Variants in GBP1 observed in about 807,000 individuals in gnomAD.
The protein encoded by GBP1 is guanylate-binding protein 1.
A neutral mutation model predicts 69.5 loss-of-function variants in GBP1; 64 were observed. The ratio of observed to expected loss-of-function variants is 0.92; its 90% CI spans 0.75 to 1.13. The LOEUF (loss-of-function observed/expected upper bound fraction) is 1.13, where lower values mean the gene tolerates loss of function less well. Ranked by LOEUF, GBP1 falls within the 50% of genes most tolerant of loss-of-function variation. The probability of loss-of-function intolerance (pLI) is 0.00; values close to 1 mark genes in which losing one functional copy is unlikely to be tolerated. For synonymous variants in GBP1, 250 were observed against 261.2 expected (o/e 0.96, Z 0.41); for missense variants, 630 against 704.1 (o/e 0.89, Z 1.19).
At chr1:89,064,292 G>C (rs1431528260) in intron 1 of GBP1, among the ~76,000 whole-genome samples, 2 of 150,338 alleles carry the variant, frequency 1.3e-5, no homozygotes, top group East Asian at 3.9e-4. Flanking sequence ...TCAGACCAGA[G>C]GTGATGAATG....
chr1:89,063,555 A>G (rs1293951608), intron 1 of GBP1, among the ~76,000 whole-genome samples: 1 of 152,186 alleles, frequency 6.6e-6, no homozygotes, highest in African/African-American at 2.4e-5. Flanking sequence ...CAATTAATGG[A>G]AGATAGAATA....
chr1:89,060,454 T>G, intron 2 of GBP1, 130 bp from the exon 3 acceptor site: 1 of 731,524 alleles, frequency 1.4e-6, no homozygotes, highest in East Asian at 3.3e-5. Context: ...CTTACGTACT[T>G]ACAATCAAAG....
chr1:89,062,891 C>T, intron 2 of GBP1, 154 bp downstream of exon 2: 2 of 879,086 alleles, frequency 2.3e-6, no homozygotes, highest in Non-Finnish European at 3.5e-6. Flanking sequence ...TTCTTATCCC[C>T]TAGAACAGCG....
Position 89,060,214 on chromosome 1 carries a change from G to T in GBP1, c.301C>A (p.Leu101Met), listed in dbSNP as rs1362919727. 6.2e-7 allele frequency: 1 copy of T among 1,601,202 alleles called. No homozygotes were observed. The highest frequency in any genetic ancestry group is 8.5e-7 in the Non-Finnish European group (1 of 1,174,962). Reference protein sequence around the residue: ...HILVLLDTEGLGDVEKGDNQN... With the variant: ...HILVLLDTEGMGDVEKGDNQN... The stretch of plus-strand genomic sequence containing the variant: ...AGTCTCACCTTCTCTACATCTCCCA[G>T]ACCCTCGGTGTCCAGCAGAACTAGG... The change falls in exon 3 of 11, where the codon CTG becomes ATG. Residue 101 changes from leucine to methionine, a missense_variant. Around this residue, in one of 5 missense-constraint regions of GBP1, gnomAD observed 131 missense variants for 138.5 expected, o/e 0.95. Coordinates refer to ENST00000370473, the MANE Select transcript of GBP1 (RefSeq NM_002053.3).
At chr1:89,064,347 G>A (rs1680283014) in intron 1 of GBP1, among the ~76,000 whole-genome samples, 2 of 151,796 alleles carry the variant, frequency 1.3e-5, no homozygotes, top group African/African-American at 4.8e-5. Flanking sequence ...CTTTGCAGAA[G>A]GCAGGATCAA....
intron 8 of GBP1, chr1:89,055,789 T>A: frequency 1.7e-6 from 1 of 602,768 alleles, no homozygotes; most frequent in Non-Finnish European, 2.9e-6. Context: ...ACTTTGTGCT[T>A]CATCTGCTAA....
intron 7 of GBP1, 45 bp from the exon 8 acceptor site, chr1:89,056,273 T>C (rs1375550026): frequency 6.2e-7 from 1 of 1,613,410 alleles, no homozygotes; most frequent in Admixed American, 1.7e-5. Context: ...AGGGAAAGGA[T>C]GTTAGCTTGA....
intron 6 of GBP1, among the ~76,000 whole-genome samples, chr1:89,057,749 A>T (rs1234338086): frequency 6.7e-6 from 1 of 149,612 alleles, no homozygotes; most frequent in Non-Finnish European, 1.5e-5. Flanking sequence ...TCTAGGGGCT[A>T]CTCTATTGCA....
Position 89,054,736 on chromosome 1 carries a change from G to A in GBP1, c.1611C>T (p.Asn537=), listed in dbSNP as rs369920657. The A allele has an allele frequency of 2.0e-5, 33 of 1,614,088 alleles. 1 individual carries two copies. The highest frequency in any genetic ancestry group is 6.7e-5 in the Admixed American group (4 of 60,010). Residue 537 remains asparagine, a synonymous_variant, in exon 10 of 11, where the codon AAC becomes AAT. Coordinates refer to ENST00000370473, the MANE Select transcript of GBP1 (RefSeq NM_002053.3). ...GCTCTTTCAGCAACTGGACCCTGTC[G>A]TTCTCCATCTTCTCAGTCAGTTGTT... ...HLKQLTEKME[N]DRVQLLKEQE...
rs777566707 is a variant in GBP1 at position 89,059,061 on chromosome 1, G to A, written c.429-18C>T. 1.2e-6 allele frequency: 2 copies of A among 1,613,948 alleles called. No individual in the cohort carries two copies. Among genetic ancestry groups the A allele is most frequent in the African/African-American group, 1.3e-5 (1 of 75,026 alleles). On this transcript the variant is annotated intron_variant, in intron 4 of 10. Transcript: ENST00000370473. ...TCACATAGCTGAGTAGCTAACTAAG[G>A]AAATGTGACAAAATGAACAGGGACC... is the stretch of plus-strand genomic sequence containing the variant.
At chr1:89,059,796 T>A (rs556181526) in intron 3 of GBP1, among the ~76,000 whole-genome samples, 2 of 152,246 alleles carry the variant, frequency 1.3e-5, no homozygotes, top group South Asian at 4.1e-4. Context: ...CATATAAGAT[T>A]GGTACTATTA....
At position 89,059,090 on chromosome 1, in the gene GBP1, T is replaced by C; in HGVS notation, c.429-47A>G. On this transcript the variant is annotated intron_variant, in intron 4 of 10. Transcript: ENST00000370473. ...TGTGACAAAATGAACAGGGACCTCA[T>C]CCCATGTTAGTTCAACACATACCCA... 1 of 1,611,786 alleles carries C rather than the reference T, an allele frequency of 6.2e-7. No homozygotes were observed. The highest frequency in any genetic ancestry group is 8.5e-7 in the Non-Finnish European group (1 of 1,178,446).
chr1:89,063,155 G>C lies in GBP1; in HGVS notation c.80C>G (p.Ala27Gly). The change falls in exon 2 of 11, where the codon GCT (alanine) becomes GGT (glycine). Residue 27 changes from alanine (A) to glycine (G), a missense_variant. By Grantham distance (60) the Ala-to-Gly change is moderately conservative. Transcript: ENST00000370473. ...TGTAATGGCAGAAAGGATCTTCAGAGCTTCTGGATTCGCCATCAGTCGCCC... is the reference window on the plus strand; with the variant it reads ...TGTAATGGCAGAAAGGATCTTCAGACCTTCTGGATTCGCCATCAGTCGCCC... ...TNGRLMANPEALKILSAITQP... is the reference protein window; with the variant it reads ...TNGRLMANPEGLKILSAITQP... 1 of 1,614,122 alleles carries C rather than the reference G, an allele frequency of 6.2e-7. No homozygotes were observed. Among genetic ancestry groups the C allele is most frequent in the Non-Finnish European group, 8.5e-7 (1 of 1,179,982 alleles).
intron 10 of GBP1, among the ~76,000 whole-genome samples, chr1:89,054,207 C>G (rs777768021): frequency 2.0e-5 from 3 of 152,016 alleles, no homozygotes; most frequent in Non-Finnish European, 4.4e-5. Flanking sequence ...TCACTCCATT[C>G]TCCTGCCTCA....
Position 89,058,937 on chromosome 1 carries a change from C to A in GBP1, c.535G>T (p.Val179Leu). The A allele has an allele frequency of 6.2e-7, 1 of 1,614,214 alleles. No homozygotes were observed. The part of the protein sequence containing the change: ...ADFVSFFPDF[V>L]WTLRDFSLDL... ...AGGGAGAAATCTCTCAGTGTCCACA[C>A]AAAGTCTGGGAAGAAGCTCACAAAG... The change falls in exon 5 of 11, where the codon GTG (valine) becomes TTG (leucine). Residue 179 changes from valine (V) to leucine (L), a missense_variant. By Grantham distance (32) the Val-to-Leu change is conservative. Around this residue, in one of 5 missense-constraint regions of GBP1, gnomAD observed 367 missense variants for 369.5 expected, o/e 0.99. Coordinates refer to ENST00000370473, the MANE Select transcript of GBP1 (RefSeq NM_002053.3).
rs767374348 is a variant in GBP1 at position 89,060,273 on chromosome 1, C to T, written c.242G>A (p.Trp81Ter). Reference sequence around the variant, plus strand: ...TGGCTTCTTGGGGTGGGGCACACACCACATCCAGATTCCTTTAGTGTGAGA... The same window carrying T: ...TGGCTTCTTGGGGTGGGGCACACACTACATCCAGATTCCTTTAGTGTGAGA... Reference protein sequence around the residue: ...VQSHTKGIWMWCVPHPKKPGH... With the variant: ...VQSHTKGIWM The change falls in exon 3 of 11, where the codon TGG becomes TAG. Residue 81 changes from tryptophan to a stop codon, truncating the protein, a stop_gained. Transcript: ENST00000370473. LOFTEE classifies it high-confidence loss of function. The T allele has an allele frequency of 1.2e-5, 19 of 1,603,188 alleles. No individual in the cohort carries two copies. Among genetic ancestry groups the T allele is most frequent in the Non-Finnish European group, 1.5e-5 (18 of 1,175,484 alleles).
intron 6 of GBP1, 86 bp from the exon 7 acceptor site, chr1:89,057,220 AT>A: frequency 4.5e-6 from 7 of 1,554,458 alleles, no homozygotes; most frequent in Non-Finnish European, 6.1e-6. Context: ...AATACCACCT[AT>A]TTTCCTCACA....
In GBP1 at chr1:89,053,386, A is replaced by G. The variant is rs141247522; in HGVS notation, c.1748T>C (p.Met583Thr). 8 of 1,613,554 alleles carry G rather than the reference A, an allele frequency of 5.0e-6. No individual in the cohort carries two copies. Among genetic ancestry groups the G allele is most frequent in the Non-Finnish European group, 5.9e-6 (7 of 1,179,952 alleles). ...KNEIQDLQTKMRRRKACTIS is the reference protein window; with the variant it reads ...KNEIQDLQTKTRRRKACTIS ...TATGGTACATGCCTTTCGTCGTCTC[A>G]TTTTCGTCTGGAGATCCTGTATCTC... is the stretch of plus-strand genomic sequence containing the variant. Residue 583 changes from methionine (M) to threonine (T), a missense_variant, in exon 11 of 11, where the codon ATG becomes ACG. This residue lies in a region of GBP1 where 71 missense variants were observed against 72.7 expected (regional missense o/e 0.98). Coordinates refer to ENST00000370473, the MANE Select transcript of GBP1 (RefSeq NM_002053.3).
Position 89,053,235 on chromosome 1 carries a change from T to C in GBP1, c.*120A>G, listed in dbSNP as rs1679962770. ...TTTTGATCATTGTACCACATGCCTT[T>C]ATAAACTTTTGGTGTTATGATGCAA... On this transcript the variant is annotated 3_prime_UTR_variant, in exon 11 of 11. Transcript: ENST00000370473. 1.5e-6 allele frequency: 1 copy of C among 668,106 alleles called. No homozygotes were observed. The highest frequency in any genetic ancestry group is 1.8e-5 in the African/African-American group (1 of 54,084). The allele number at this position is 668,106 out of a possible 1,614,324, so 41.4% of individuals were successfully genotyped here.
Sources: gnomAD v4.1 joint callset for allele counts (sites outside exome capture counted in the v4.1 genomes callset) on GRCh38, gnomAD v4.1.1 for gene constraint, gnomAD v4.1.1 regional missense constraint, MANE v1.5 for transcripts, NCBI Gene and HGNC (gene_info 2026-07-23, HGNC 2026-07-21) for gene names.